The following GFRA1 variants were observed in gnomAD, a reference collection of about 807,000 sequenced individuals.
GFRA1 encodes the protein GDNF family receptor alpha-1.
A neutral mutation model predicts 51.6 loss-of-function variants in GFRA1; 16 were observed. That is an observed-to-expected ratio of 0.31 (90% CI 0.21 to 0.47). The LOEUF (loss-of-function observed/expected upper bound fraction) is 0.47, where lower values mean the gene tolerates loss of function less well. Among genes scored for constraint, GFRA1 ranks in the 20% least tolerant of loss-of-function variants. GFRA1 has a pLI of 1.00. For missense variants in GFRA1, 530 were observed against 594.3 expected, an observed-to-expected ratio of 0.89 and a Z score of 1.13; for synonymous variants, 270 against 241.3, an observed-to-expected ratio of 1.12 and a Z score of -1.10.
chr10:116,237,935 C>T (rs1169909051), intron 4 of GFRA1, among the ~76,000 whole-genome samples: 1 of 152,172 alleles, frequency 6.6e-6, no homozygotes, highest in Non-Finnish European at 1.5e-5. Context: ...AGGGACACAT[C>T]CAAGCTGAGC....
intron 6 of GFRA1, among the ~76,000 whole-genome samples, chr10:116,114,138 C>T (rs893276620): frequency 2.0e-5 from 3 of 152,162 alleles, no homozygotes; most frequent in African/African-American, 7.2e-5. Flanking sequence ...GGATCCCTCA[C>T]ATCACTGACT....
At chr10:116,066,227 C>T (rs1955106167) in intron 9 of GFRA1, among the ~76,000 whole-genome samples, 1 of 152,128 alleles carries the variant, frequency 6.6e-6, no homozygotes, top group African/African-American at 2.4e-5. Flanking sequence ...AAAAAAGGAC[C>T]TGGTCCCTGG....
At chr10:116,163,103 C>T (rs1277833117) in intron 5 of GFRA1, among the ~76,000 whole-genome samples, 1 of 152,138 alleles carries the variant, frequency 6.6e-6, no homozygotes, top group African/African-American at 2.4e-5. Context: ...TGAGGAAAAT[C>T]GATGTAATGA....
Position 116,064,621 on chromosome 10 carries a change from C to T in GFRA1, c.1252-77G>A. ...ACAGTATACTTTACACTCTCTCTCC[C>T]CCCGACTCCCCACTGGCTGACCCAC... On this transcript the variant is annotated intron_variant, in intron 10 of 10. Coordinates refer to ENST00000355422, the MANE Select transcript of GFRA1 (RefSeq NM_005264.8). The T allele has an allele frequency of 6.0e-6, 8 of 1,338,060 alleles. No individual in the cohort carries two copies. In the South Asian group the frequency reaches 8.2e-5, roughly 14 times the overall value. The allele number at this position is 1,338,060 out of a possible 1,614,324, so 82.9% of individuals were successfully genotyped here. A position where few individuals can be genotyped will look rare whatever the true frequency, so the allele number is the denominator to read the frequency against.
chr10:116,158,693 C>T (rs1959416402), intron 5 of GFRA1, among the ~76,000 whole-genome samples: 1 of 152,164 alleles, frequency 6.6e-6, no homozygotes, highest in East Asian at 1.9e-4. Flanking sequence ...GAGGCCACCA[C>T]AAACAAGGAA....
intron 5 of GFRA1, among the ~76,000 whole-genome samples, chr10:116,186,980 C>T (rs1006423267): frequency 2.0e-5 from 3 of 152,128 alleles, no homozygotes; most frequent in African/African-American, 7.2e-5. Context: ...GTCTCGGTCC[C>T]TTTTTCAAGA....
At chr10:116,237,119 G>A (rs1452657397) in intron 4 of GFRA1, among the ~76,000 whole-genome samples, 2 of 152,128 alleles carry the variant, frequency 1.3e-5, no homozygotes, top group African/African-American at 4.8e-5. Context: ...TATTATTAGT[G>A]TCTTATGAAT....
intron 6 of GFRA1, among the ~76,000 whole-genome samples, chr10:116,116,548 G>A (rs997892936): frequency 3.5e-4 from 54 of 152,172 alleles, no homozygotes; most frequent in African/African-American, 1.3e-3. Context: ...GCCTGGGAGG[G>A]GGTGCACCAC....
chr10:116,245,127 GACCA>G (rs1967760647), intron 4 of GFRA1, among the ~76,000 whole-genome samples: 1 of 152,080 alleles, frequency 6.6e-6, no homozygotes, highest in Non-Finnish European at 1.5e-5. Context: ...CAAGAATGAA[GACCA>G]AATGGAGACA....
intron 4 of GFRA1, among the ~76,000 whole-genome samples, chr10:116,258,448 T>C (rs1969060575): frequency 4.1e-5 from 6 of 147,940 alleles, no homozygotes; most frequent in Admixed American, 3.4e-4. Context: ...AAATATATAA[T>C]ATATAATGTA....
intron 5 of GFRA1, among the ~76,000 whole-genome samples, chr10:116,153,959 G>A (rs11197551): frequency 7.2e-5 from 11 of 152,024 alleles, no homozygotes; most frequent in African/African-American, 2.7e-4. Flanking sequence ...ATTTCAAAAA[G>A]AGAACATTTA....
chr10:116,144,188 G>C (rs12775807), intron 5 of GFRA1, among the ~76,000 whole-genome samples: 22,566 of 152,068 alleles, frequency 0.15, 2,035 homozygotes, highest in East Asian at 0.2. Context: ...TTTCTAGAAA[G>C]CTAAGTTCAT....
At chr10:116,209,270 G>C (rs140343474) in intron 5 of GFRA1, among the ~76,000 whole-genome samples, 292 of 152,326 alleles carry the variant, frequency 1.9e-3, no homozygotes, top group African/African-American at 6.8e-3. Context: ...TGAAATATAA[G>C]ATAATGCAAT....
Position 116,271,057 on chromosome 10 carries a change from A to C in GFRA1, c.99T>G (p.Ser33Arg), listed in dbSNP as rs1242225017. The C allele has an allele frequency of 5.6e-6, 9 of 1,613,308 alleles. No individual in the cohort carries two copies. The highest frequency in any genetic ancestry group is 6.8e-6 in the Non-Finnish European group (8 of 1,179,348). ...AGCTCTGCTCCTTCAGGCACTGATC[A>C]CTGGCTTTCACGCAATCCAGGCGGT... Reference protein sequence around the residue: ...GGDRLDCVKASDQCLKEQSCS... With the variant: ...GGDRLDCVKARDQCLKEQSCS... The change falls in exon 3 of 11, where the codon AGT becomes AGG. Residue 33 changes from serine (S) to arginine (R), a missense_variant. Transcript: ENST00000355422.
chr10:116,220,859 C>A (rs902271440), intron 4 of GFRA1, among the ~76,000 whole-genome samples: 1 of 152,146 alleles, frequency 6.6e-6, no homozygotes. Context: ...CTATAATGAA[C>A]ACTACCAGGA....
chr10:116,075,944 C>G (rs1955601145), intron 9 of GFRA1, among the ~76,000 whole-genome samples: 1 of 151,986 alleles, frequency 6.6e-6, no homozygotes, highest in Non-Finnish European at 1.5e-5. Flanking sequence ...CGGGGTTTCA[C>G]CATGTTAGCC....
At chr10:116,170,075 G>A (rs929395584) in intron 5 of GFRA1, among the ~76,000 whole-genome samples, 10 of 152,270 alleles carry the variant, frequency 6.6e-5, no homozygotes, top group Admixed American at 3.9e-4. Context: ...CTGAGCAAAG[G>A]AGCCACCCCT....
chr10:116,110,874 A>G (rs1230474632), intron 6 of GFRA1, among the ~76,000 whole-genome samples: 2 of 152,172 alleles, frequency 1.3e-5, no homozygotes, highest in African/African-American at 2.4e-5. Context: ...CCTATGACCC[A>G]TCTGTGGACT....
chr10:116,142,409 AGTTG>A, intron 5 of GFRA1, among the ~76,000 whole-genome samples: 1 of 152,302 alleles, frequency 6.6e-6, no homozygotes, highest in Middle Eastern at 3.4e-3. Context: ...CCCTTTTATA[AGTTG>A]GATTCAAGTA....
Sources: gnomAD v4.1 joint callset for allele counts (sites outside exome capture counted in the v4.1 genomes callset) on GRCh38, gnomAD v4.1.1 for gene constraint, MANE v1.5 for transcripts, NCBI Gene and HGNC (gene_info 2026-07-23, HGNC 2026-07-21) for gene names.